RASSF5: variants seen among roughly 807,000 people sequenced by gnomAD.
The protein encoded by RASSF5 is ras association domain-containing protein 5.
Under a neutral mutation model 40.5 loss-of-function variants are expected in RASSF5, and 25 were observed. That is an observed-to-expected ratio of 0.62 (90% CI 0.45 to 0.86). The LOEUF is 0.86. RASSF5 is among the 40% of genes least tolerant of loss of function. The pLI is 0.00. For synonymous variants in RASSF5, 246 were observed against 252.4 expected, an observed-to-expected ratio of 0.97 and a Z score of 0.24; for missense variants, 521 against 572.8, an observed-to-expected ratio of 0.91 and a Z score of 0.92.
chr1:206,583,701 G>A (rs1668985720), intron 3 of RASSF5: 12 of 319,842 alleles, frequency 3.8e-5, no homozygotes, highest in South Asian at 3.1e-4. Context: ...GGCCTCCAGG[G>A]AGCCAGGACA....
intron 2 of RASSF5, among the ~76,000 whole-genome samples, chr1:206,553,151 G>A (rs1457221324): frequency 1.3e-5 from 2 of 152,084 alleles, no homozygotes. Flanking sequence ...GCAGTGAGAT[G>A]AGATCGCGCC....
chr1:206,539,214 A>G (rs7530746), intron 2 of RASSF5, among the ~76,000 whole-genome samples: 71,700 of 152,040 alleles, frequency 0.47, 17,569 homozygotes, highest in East Asian at 0.73. Flanking sequence ...CAGGCCCAGG[A>G]ATGCTGAGGA....
chr1:206,507,643 CG>C lies in RASSF5; in HGVS notation c.42del (p.Leu15TyrfsTer14). 1.3e-6 allele frequency: 2 copies of C among 1,535,310 alleles called. No homozygotes were observed. The highest frequency in any genetic ancestry group is 1.4e-5 in the African/African-American group (1 of 69,968). ...CCGGCCATCGGGCAGCGCCCGTACC[CG>C]CTACTATTGGACCCCGAGCCGCCGC... ...ASPAIGQRPY[P>X]LLLDPEPPRY... On this transcript the variant is annotated frameshift_variant, in exon 1 of 6. Transcript: ENST00000579436. LOFTEE classifies it high-confidence loss of function.
At chr1:206,536,206 T>G (rs7523985) in intron 1 of RASSF5, among the ~76,000 whole-genome samples, 50,759 of 152,042 alleles carry the variant, frequency 0.33, 8,676 homozygotes, top group East Asian at 0.43. Context: ...GAAATGCATG[T>G]GGGTGCCTGC....
At chr1:206,570,211 C>T (rs542357214) in intron 2 of RASSF5, among the ~76,000 whole-genome samples, 33 of 151,430 alleles carry the variant, frequency 2.2e-4, no homozygotes, top group Non-Finnish European at 4.3e-4. Flanking sequence ...CCTGCCTCAG[C>T]CTCCCGAGTA....
At chr1:206,544,262 C>T (rs1314208361) in intron 2 of RASSF5, 3 of 152,178 alleles carry the variant, frequency 2.0e-5, no homozygotes, top group Non-Finnish European at 4.4e-5. Context: ...TGTGTGAAAG[C>T]ATGAGTGGAC....
In RASSF5 at chr1:206,531,979, G is replaced by C. The variant is rs997565879; in HGVS notation, c.458-6193G>C. 6.6e-6 allele frequency among the ~76,000 whole-genome samples: 1 copy of C among 152,006 alleles called. No individual in the cohort carries two copies. The highest frequency in any genetic ancestry group is 1.5e-5 in the Non-Finnish European group (1 of 68,006). Reference sequence around the variant, plus strand: ...AGGCAGGAGAATGGCGTGAACCCGGGAGGCGGAGCTTGCAGTGAGCCAAGT... The same window carrying C: ...AGGCAGGAGAATGGCGTGAACCCGGCAGGCGGAGCTTGCAGTGAGCCAAGT... On this transcript the variant is annotated intron_variant, in intron 1 of 5. Coordinates refer to ENST00000579436, the MANE Select transcript of RASSF5 (RefSeq NM_182663.4). This position sits in a 1 kb window ranked among gnomAD's most constrained non-coding sequence, Gnocchi z 4.7.
At chr1:206,529,918 AAAAAT>A (rs1667193278) in intron 1 of RASSF5, among the ~76,000 whole-genome samples, 1 of 152,126 alleles carries the variant, frequency 6.6e-6, no homozygotes, top group Non-Finnish European at 1.5e-5. Context: ...CTGCCTCAAA[AAAAAT>A]AAATACAATA....
Position 206,569,623 on chromosome 1 carries a change from A to G in RASSF5, c.580-13646A>G, listed in dbSNP as rs554039941. Among the ~76,000 whole-genome samples the G allele has an allele frequency of 5.3e-5, 8 of 152,306 alleles. No homozygotes were observed. The East Asian group carries it at 1.5e-3, about 29-fold the overall frequency. On this transcript the variant is annotated intron_variant, in intron 2 of 5. Coordinates refer to ENST00000579436, the MANE Select transcript of RASSF5 (RefSeq NM_182663.4). Reference sequence around the variant, plus strand: ...CCATCTCAAATTATGTCAAAGTAATATATTTTATCTTTTTCATTCCTCATG... The same window carrying G: ...CCATCTCAAATTATGTCAAAGTAATGTATTTTATCTTTTTCATTCCTCATG...
At chr1:206,582,970 C>T in intron 2 of RASSF5, 1 of 258,202 alleles carries the variant, frequency 3.9e-6, no homozygotes, top group Admixed American at 5.0e-5. Context: ...TGCCTGAGTG[C>T]CAGACGCTTT....
At chr1:206,517,205 G>T (rs1425146433) in intron 1 of RASSF5, among the ~76,000 whole-genome samples, 5 of 152,176 alleles carry the variant, frequency 3.3e-5, no homozygotes, top group African/African-American at 1.2e-4. Flanking sequence ...GGGCATGGAG[G>T]CTTCACCCCT....
At chr1:206,519,933 T>C (rs1553395855) in intron 1 of RASSF5, among the ~76,000 whole-genome samples, 3 of 152,208 alleles carry the variant, frequency 2.0e-5, no homozygotes, top group Non-Finnish European at 1.5e-5. Flanking sequence ...AGAAGAGAAT[T>C]GGACACCGAG....
At chr1:206,528,238 T>A (rs1667146977) in intron 1 of RASSF5, among the ~76,000 whole-genome samples, 2 of 151,920 alleles carry the variant, frequency 1.3e-5, no homozygotes, top group Admixed American at 1.3e-4. Context: ...CACAATTTTT[T>A]TAATTAAAAA....
At chr1:206,580,011 C>T (rs1230762761) in intron 2 of RASSF5, among the ~76,000 whole-genome samples, 3 of 152,176 alleles carry the variant, frequency 2.0e-5, no homozygotes, top group Non-Finnish European at 4.4e-5. Context: ...CCTGGCACTC[C>T]CAGACAGGGC....
chr1:206,529,551 G>C, intron 1 of RASSF5: 1 of 939,564 alleles, frequency 1.1e-6, no homozygotes, highest in Non-Finnish European at 1.7e-6. Flanking sequence ...GGGCGCTTTG[G>C]CTAAGCTGGT....
intron 2 of RASSF5, among the ~76,000 whole-genome samples, chr1:206,565,362 C>T (rs1293419676): frequency 1.3e-5 from 2 of 152,206 alleles, no homozygotes; most frequent in Non-Finnish European, 2.9e-5. Flanking sequence ...GCTTATTTTT[C>T]CCATATCCCA....
intron 2 of RASSF5, chr1:206,557,139 G>T (rs1185902443): frequency 1.0e-6 from 1 of 992,072 alleles, no homozygotes; most frequent in Non-Finnish European, 1.2e-6. Context: ...CCGGCTTTGA[G>T]GAACCTTGCA....
intron 1 of RASSF5, among the ~76,000 whole-genome samples, chr1:206,527,223 A>G (rs868969509): frequency 1.3e-5 from 2 of 152,142 alleles, no homozygotes; most frequent in Non-Finnish European, 2.9e-5. Context: ...AAGGGATCAC[A>G]CCATCTGGGT....
At chr1:206,569,292 A>G (rs1272118054) in intron 2 of RASSF5, among the ~76,000 whole-genome samples, 1 of 152,204 alleles carries the variant, frequency 6.6e-6, no homozygotes, top group African/African-American at 2.4e-5. Context: ...CATGGCCCCA[A>G]ATAGGTTATG....
Sources: gnomAD v4.1 joint callset for allele counts (sites outside exome capture counted in the v4.1 genomes callset) on GRCh38, gnomAD v4.1.1 for gene constraint, Gnocchi (gnomAD v3.1) non-coding constraint, MANE v1.5 for transcripts, NCBI Gene and HGNC (gene_info 2026-07-23, HGNC 2026-07-21) for gene names.